The following STIM2 variants were observed in gnomAD, a reference collection of about 807,000 sequenced individuals.
STIM2 encodes the protein stromal interaction molecule 2.
In STIM2, 31 loss-of-function variants were observed where a neutral mutation model predicts 85.8. That is an observed-to-expected ratio of 0.36 (90% CI 0.27 to 0.49). The LOEUF (loss-of-function observed/expected upper bound fraction) is 0.49. Ranked by LOEUF, STIM2 falls within the 20% of genes least tolerant of loss-of-function variation. The probability of loss-of-function intolerance (pLI) is 0.98; values close to 1 mark genes in which losing one functional copy is unlikely to be tolerated. For synonymous variants in STIM2, 356 were observed against 331.1 expected, an observed-to-expected ratio of 1.08 and a Z score of -0.82; for missense variants, 841 against 927.6, an observed-to-expected ratio of 0.91 and a Z score of 1.21.
chr4:26,902,553 A>T (rs1345677129), intron 1 of STIM2, among the ~76,000 whole-genome samples: 1 of 152,232 alleles, frequency 6.6e-6, no homozygotes, highest in South Asian at 2.1e-4. Flanking sequence ...GGACCTACAC[A>T]GTAACAGCAG....
intron 2 of STIM2, among the ~76,000 whole-genome samples, chr4:26,933,704 A>G (rs1313989454): frequency 6.9e-6 from 1 of 144,032 alleles, no homozygotes; most frequent in Non-Finnish European, 1.5e-5. Context: ...GTTGGAGACT[A>G]GCCTGGGCAG....
At chr4:26,908,508 CAG>C (rs1241081134) in intron 1 of STIM2, among the ~76,000 whole-genome samples, 1 of 152,166 alleles carries the variant, frequency 6.6e-6, no homozygotes, top group Non-Finnish European at 1.5e-5. Flanking sequence ...TGTTTTGAGA[CAG>C]AGTCTTGCTG....
intron 2 of STIM2, among the ~76,000 whole-genome samples, chr4:26,951,433 A>G (rs1191516844): frequency 6.6e-6 from 1 of 152,106 alleles, no homozygotes; most frequent in Non-Finnish European, 1.5e-5. Flanking sequence ...AATTCTCTCC[A>G]GGAACTCATT....
intron 4 of STIM2, among the ~76,000 whole-genome samples, chr4:26,996,717 T>C (rs945553711): frequency 6.6e-6 from 1 of 152,156 alleles, no homozygotes; most frequent in African/African-American, 2.4e-5. Context: ...ATAGTTATTT[T>C]AATTAAAACA....
intron 4 of STIM2, among the ~76,000 whole-genome samples, chr4:26,998,981 T>A (rs1248994686): frequency 6.6e-6 from 1 of 152,002 alleles, no homozygotes; most frequent in East Asian, 1.9e-4. Flanking sequence ...AAAGTAACCT[T>A]AGAAAACCAA....
rs1485173909 is a variant in STIM2 at position 26,861,412 on chromosome 4, A to G, written c.151+43A>G. 3.9e-6 allele frequency: 5 copies of G among 1,279,438 alleles called. No individual in the cohort carries two copies. In the African/African-American group the frequency reaches 7.8e-5, roughly 20 times the overall value. 79.3% of individuals were successfully genotyped at this position (1,279,438 alleles called of 1,614,324 possible). On this transcript the variant is annotated intron_variant, in intron 1 of 11. Coordinates refer to ENST00000467087, the MANE Select transcript of STIM2 (RefSeq NM_020860.4). The stretch of plus-strand genomic sequence containing the variant: ...GGCGGGCGGGGCTCGGCCGGCAGCG[A>G]TGGGACCCCCAACCCGTGCAGAGGT...
At chr4:26,944,490 A>G (rs992129158) in intron 2 of STIM2, among the ~76,000 whole-genome samples, 2 of 152,108 alleles carry the variant, frequency 1.3e-5, no homozygotes, top group African/African-American at 2.4e-5. Flanking sequence ...TTGGTCCATA[A>G]TAGATACTCA....
At chr4:26,880,631 A>ATAAATATATATG (rs1251368292) in intron 1 of STIM2, among the ~76,000 whole-genome samples, 4 of 145,980 alleles carry the variant, frequency 2.7e-5, no homozygotes, top group South Asian at 2.1e-4. Flanking sequence ...AAATATATAT[A>ATAAATATATATG]TAAATATATA....
Position 27,002,403 on chromosome 4 carries a change from A to G in STIM2, c.803+9A>G. The G allele has an allele frequency of 6.3e-7, 1 of 1,582,706 alleles. No homozygotes were observed. Among genetic ancestry groups the G allele is most frequent in the Non-Finnish European group, 8.6e-7 (1 of 1,169,342 alleles). On this transcript the variant is annotated intron_variant, in intron 6 of 11. Coordinates refer to ENST00000467087, the MANE Select transcript of STIM2 (RefSeq NM_020860.4). The stretch of plus-strand genomic sequence containing the variant: ...ATGGACTTACAGGAGAGGTAAGTTC[A>G]GAAAAATCATAACTCATTTATGTAG...
At chr4:26,889,269 A>C (rs1434383007) in intron 1 of STIM2, among the ~76,000 whole-genome samples, 1 of 152,222 alleles carries the variant, frequency 6.6e-6, no homozygotes, top group Non-Finnish European at 1.5e-5. Flanking sequence ...CCTTGCTGAC[A>C]ACGTAACTGA....
At chr4:26,882,148 G>T (rs577026653) in intron 1 of STIM2, among the ~76,000 whole-genome samples, 6 of 152,160 alleles carry the variant, frequency 3.9e-5, no homozygotes, top group African/African-American at 1.4e-4. Context: ...GTAACTGGGG[G>T]TTGAGATTGC....
At chr4:27,001,514 C>G (rs1302514934) in intron 5 of STIM2, among the ~76,000 whole-genome samples, 1 of 152,180 alleles carries the variant, frequency 6.6e-6, no homozygotes, top group East Asian at 1.9e-4. Context: ...ACTAGTCACT[C>G]TTTGGGCTGG....
chr4:26,870,661 C>G (rs1453119614), intron 1 of STIM2, among the ~76,000 whole-genome samples: 1 of 151,958 alleles, frequency 6.6e-6, no homozygotes, highest in Non-Finnish European at 1.5e-5. Context: ...AGCAAGCAAA[C>G]AAAAAATTTC....
Position 26,906,884 on chromosome 4 carries a change from G to C in STIM2, c.152-12620G>C, listed in dbSNP as rs1344776962. On this transcript the variant is annotated intron_variant, in intron 1 of 11. Coordinates refer to ENST00000467087, the MANE Select transcript of STIM2 (RefSeq NM_020860.4). Reference sequence around the variant, plus strand: ...CGGGAGACTGAGGCAGGAGAATGGCGTGAATCTGGGAGGTGGAGCTTGCAG... The same window carrying C: ...CGGGAGACTGAGGCAGGAGAATGGCCTGAATCTGGGAGGTGGAGCTTGCAG... Among the ~76,000 whole-genome samples the C allele has an allele frequency of 2.6e-5, 4 of 151,832 alleles. No homozygotes were observed. The East Asian group carries it at 5.8e-4, about 22-fold the overall frequency.
chr4:26,996,198 C>A (rs1727954662), intron 4 of STIM2, among the ~76,000 whole-genome samples: 1 of 151,936 alleles, frequency 6.6e-6, no homozygotes, highest in African/African-American at 2.4e-5. Flanking sequence ...TAAATTATAT[C>A]TAAATTGTAT....
chr4:26,868,607 C>A (rs906734214), intron 1 of STIM2, among the ~76,000 whole-genome samples: 21 of 152,228 alleles, frequency 1.4e-4, no homozygotes, highest in African/African-American at 5.1e-4. Flanking sequence ...GCTTTTTAAA[C>A]CCTTGTTTGA....
At chr4:26,883,494 A>G (rs987195263) in intron 1 of STIM2, among the ~76,000 whole-genome samples, 3 of 152,120 alleles carry the variant, frequency 2.0e-5, no homozygotes, top group Admixed American at 1.3e-4. Context: ...GATTGGCACA[A>G]TGTCTTGGAA....
chr4:27,021,507 T>C (rs1402200303), intron 11 of STIM2: 1 of 456,072 alleles, frequency 2.2e-6, no homozygotes, highest in Non-Finnish European at 4.4e-6. Context: ...CACAAGGGAG[T>C]GTGCAGTTGG....
At chr4:26,997,449 C>T (rs189594701) in intron 4 of STIM2, among the ~76,000 whole-genome samples, 7 of 152,316 alleles carry the variant, frequency 4.6e-5, no homozygotes, top group African/African-American at 9.6e-5. Context: ...AGGCTGTCTT[C>T]ACCTGACACA....
Sources: allele counts gnomAD v4.1 joint callset (sites outside exome capture counted in the v4.1 genomes callset), GRCh38; gene constraint gnomAD v4.1.1; transcripts MANE v1.5; gene names NCBI Gene and HGNC (gene_info 2026-07-23, HGNC 2026-07-21).